The following PCDHGA3 variants were observed in gnomAD, a reference collection of about 807,000 sequenced individuals.
PCDHGA3 encodes the protein protocadherin gamma subfamily A, 3.
A neutral mutation model predicts 58.5 loss-of-function variants in PCDHGA3; 40 were observed. That is an observed-to-expected ratio of 0.68 (90% CI 0.53 to 0.89). The LOEUF is 0.89. PCDHGA3 is among the 40% of genes least tolerant of loss of function. The pLI is 0.00. For missense variants in PCDHGA3, 1,223 were observed against 1,195.9 expected (o/e 1.02, Z -0.33); for synonymous variants, 530 against 525.7 (o/e 1.01, Z -0.11).
Position 141,486,812 on chromosome 5 carries a change from A to G in PCDHGA3, c.2425-7995A>G, listed in dbSNP as rs781747283. 6.2e-7 allele frequency: 1 copy of G among 1,614,226 alleles called. No individual in the cohort carries two copies. The highest frequency in any genetic ancestry group is 8.5e-7 in the Non-Finnish European group (1 of 1,180,046). ...GGATCGGGGCAACCCACCCCTTAGC[A>G]GCACTGTAACAGTTCGTCTATTTGT... On this transcript the variant is annotated intron_variant, in intron 1 of 3. Transcript: ENST00000253812. This position sits in a 1 kb window ranked among gnomAD's most constrained non-coding sequence, Gnocchi z 5.0.
At chr5:141,408,214 C>CT (rs1471079476) in intron 1 of PCDHGA3, 1 of 1,555,074 alleles carries the variant, frequency 6.4e-7, no homozygotes. Flanking sequence ...TGGGAGGGAG[C>CT]TGCGCGCAGA....
chr5:141,411,192 G>C (rs2095472836), intron 1 of PCDHGA3: 1 of 152,098 alleles, frequency 6.6e-6, no homozygotes, highest in African/African-American at 2.4e-5. Flanking sequence ...TGGCATCTAA[G>C]AAAACAAACA....
intron 1 of PCDHGA3, chr5:141,389,736 G>A: frequency 6.2e-7 from 1 of 1,612,710 alleles, no homozygotes; most frequent in Non-Finnish European, 8.5e-7. Flanking sequence ...CTTCAGCCTG[G>A]GGCTGCGCAC....
chr5:141,489,042 A>T lies in PCDHGA3; in HGVS notation c.2425-5765A>T. On this transcript the variant is annotated intron_variant, in intron 1 of 3. Coordinates refer to ENST00000253812, the MANE Select transcript of PCDHGA3 (RefSeq NM_018916.4). This position sits in a 1 kb window ranked among gnomAD's most constrained non-coding sequence, Gnocchi z 4.5. ...TCTCCTCCTCCAGCTCCCCAGCTCCACTCAAATTCAGCTCCCCTCCCCCCT... is the reference window on the plus strand; with the variant it reads ...TCTCCTCCTCCAGCTCCCCAGCTCCTCTCAAATTCAGCTCCCCTCCCCCCT... The T allele has an allele frequency of 4.2e-6, 2 of 473,800 alleles. No individual in the cohort carries two copies. The highest frequency in any genetic ancestry group is 3.7e-6 in the Non-Finnish European group (1 of 270,920). 29.3% of individuals were successfully genotyped at this position (473,800 alleles called of 1,614,324 possible).
At position 141,345,743 on chromosome 5, in the gene PCDHGA3, C is replaced by T. The variant is rs745630768; in HGVS notation, c.1710C>T (p.Asp570=). Residue 570 remains aspartate (D), a synonymous_variant, in exon 1 of 4, where the codon GAC becomes GAT. Coordinates refer to ENST00000253812, the MANE Select transcript of PCDHGA3 (RefSeq NM_018916.4). ...PEILYPALPT[D]GSTGVELAPR... ...TCCTGTACCCCGCCCTCCCCACAGACGGTTCCACTGGCGTGGAGCTGGCGC... is the reference window on the plus strand; with the variant it reads ...TCCTGTACCCCGCCCTCCCCACAGATGGTTCCACTGGCGTGGAGCTGGCGC... 3.3e-5 allele frequency: 53 copies of T among 1,614,112 alleles called. No homozygotes were observed. The highest frequency in any genetic ancestry group is 6.7e-5 in the African/African-American group (5 of 74,940).
intron 1 of PCDHGA3, chr5:141,362,175 G>A (rs1354338158): frequency 1.9e-6 from 3 of 1,614,050 alleles, no homozygotes; most frequent in South Asian, 1.1e-5. Context: ...ACCGCCGGGA[G>A]CCCTCTGACC....
At chr5:141,421,770 G>T in intron 1 of PCDHGA3, 6 of 1,613,856 alleles carry the variant, frequency 3.7e-6, no homozygotes, top group East Asian at 2.2e-5. Context: ...ACTTTTCCTT[G>T]CAACTGCGGG....
chr5:141,409,452 A>T, intron 1 of PCDHGA3: 1 of 1,613,990 alleles, frequency 6.2e-7, no homozygotes, highest in Non-Finnish European at 8.5e-7. Context: ...CAGACACCAG[A>T]ATACAATGTC....
intron 3 of PCDHGA3, among the ~76,000 whole-genome samples, chr5:141,509,732 C>T (rs931066969): frequency 3.9e-5 from 6 of 152,182 alleles, no homozygotes; most frequent in Non-Finnish European, 5.9e-5. Flanking sequence ...CTAGCTGTGG[C>T]ACTCTGAGCC....
At position 141,487,051 on chromosome 5, in the gene PCDHGA3, G is replaced by A. The variant is rs1348441475; in HGVS notation, c.2425-7756G>A. The A allele has an allele frequency of 3.7e-6, 6 of 1,614,024 alleles. No individual in the cohort carries two copies. The highest frequency in any genetic ancestry group is 5.1e-6 in the Non-Finnish European group (6 of 1,180,024). On this transcript the variant is annotated intron_variant, in intron 1 of 3. Coordinates refer to ENST00000253812, the MANE Select transcript of PCDHGA3 (RefSeq NM_018916.4). This position sits in a 1 kb window ranked among gnomAD's most constrained non-coding sequence, Gnocchi z 5.0. ...TGTTTGCAGTCTCTCGATATGCTGG[G>A]GAGGTGCGGACGGCTGTTCCTATCC... is the stretch of plus-strand genomic sequence containing the variant.
chr5:141,418,985 T>G, intron 1 of PCDHGA3: 1 of 1,613,882 alleles, frequency 6.2e-7, no homozygotes, highest in Non-Finnish European at 8.5e-7. Context: ...GGACCAAGAC[T>G]CAGGGGAAAA....
At chr5:141,461,738 C>A (rs2099021378) in intron 1 of PCDHGA3, among the ~76,000 whole-genome samples, 1 of 150,904 alleles carries the variant, frequency 6.6e-6, no homozygotes. Flanking sequence ...TGGCACAATC[C>A]CGGCTCCCAG....
intron 1 of PCDHGA3, chr5:141,403,960 G>T (rs775638627): frequency 1.9e-6 from 3 of 1,613,776 alleles, no homozygotes; most frequent in South Asian, 2.2e-5. Context: ...TGCTCATTTC[G>T]GTGGAAGATG....
chr5:141,372,010 C>T (rs965282099), intron 1 of PCDHGA3: 7 of 1,613,262 alleles, frequency 4.3e-6, no homozygotes, highest in Non-Finnish European at 5.1e-6. Context: ...GACCAGGGCT[C>T]GCCTACGCTC....
chr5:141,404,455 C>T, intron 1 of PCDHGA3: 1 of 1,611,994 alleles, frequency 6.2e-7, no homozygotes, highest in Non-Finnish European at 8.5e-7. Context: ...GGTCTCCTCT[C>T]TCCACCTATG....
At position 141,400,246 on chromosome 5, in the gene PCDHGA3, G is replaced by A. The variant is rs373890751; in HGVS notation, c.2424+53789G>A. On this transcript the variant is annotated intron_variant, in intron 1 of 3. Transcript: ENST00000253812. Reference sequence around the variant, plus strand: ...CTTCCTCCTGGCCGTGATTCTGGCCGTTGCCTTGCGCCTGCGACGCTCCTC... The same window carrying A: ...CTTCCTCCTGGCCGTGATTCTGGCCATTGCCTTGCGCCTGCGACGCTCCTC... 5.0e-5 allele frequency: 81 copies of A among 1,613,984 alleles called. No homozygotes were observed. The African/African-American group carries it at 6.0e-4, about 12-fold the overall frequency.
chr5:141,491,143 C>A lies in PCDHGA3; in HGVS notation c.2425-3664C>A. 1.2e-6 allele frequency: 2 copies of A among 1,614,142 alleles called. No homozygotes were observed. Among genetic ancestry groups the A allele is most frequent in the South Asian group, 1.1e-5 (1 of 91,082 alleles). On this transcript the variant is annotated intron_variant, in intron 1 of 3. Transcript: ENST00000253812. This position sits in a 1 kb window ranked among gnomAD's most constrained non-coding sequence, Gnocchi z 6.9. ...TGAGGTGCGCACAGCCCGGGCCTTA[C>A]TGGAGGATGACTCTGACACCCAGCA... is the stretch of plus-strand genomic sequence containing the variant.
intron 1 of PCDHGA3, among the ~76,000 whole-genome samples, chr5:141,462,448 G>A (rs1435453503): frequency 6.6e-6 from 1 of 152,022 alleles, no homozygotes; most frequent in Non-Finnish European, 1.5e-5. Context: ...ACACAACTGT[G>A]TAACTGAAAA....
intron 1 of PCDHGA3, chr5:141,388,368 A>G (rs1420676769): frequency 1.2e-6 from 2 of 1,614,026 alleles, no homozygotes; most frequent in Admixed American, 3.3e-5. Context: ...TGATGCGGAT[A>G]TTGGTAGCAA....
Sources: allele counts gnomAD v4.1 joint callset (sites outside exome capture counted in the v4.1 genomes callset), GRCh38; gene constraint gnomAD v4.1.1; non-coding constraint Gnocchi (gnomAD v3.1); transcripts MANE v1.5; gene names NCBI Gene and HGNC (gene_info 2026-07-23, HGNC 2026-07-21).